TOP1: variants seen among roughly 807,000 people sequenced by gnomAD.
The protein encoded by TOP1 is DNA topoisomerase 1.
In TOP1, 10 loss-of-function variants were observed where a neutral mutation model predicts 111.1. The ratio of observed to expected loss-of-function variants is 0.09; its 90% CI spans 0.06 to 0.15. TOP1 has a LOEUF of 0.15. Ranked by LOEUF, TOP1 falls within the 10% of genes least tolerant of loss-of-function variation. The pLI is 1.00. For synonymous variants in TOP1, 271 were observed against 302.9 expected (o/e 0.89, Z 1.10); for missense variants, 474 against 926.7 (o/e 0.51, Z 6.34).
At chr20:41,076,412 C>T (rs2033728077) in intron 4 of TOP1, 118 bp downstream of exon 4, 3 of 1,399,428 alleles carry the variant, frequency 2.1e-6, no homozygotes, top group Non-Finnish European at 2.9e-6. Context: ...GGTTTCTTGT[C>T]AGGAGAATTT....
At chr20:41,048,130 G>T (rs2033356857) in intron 2 of TOP1, among the ~76,000 whole-genome samples, 1 of 150,996 alleles carries the variant, frequency 6.6e-6, no homozygotes, top group South Asian at 2.1e-4. Flanking sequence ...GGCTGACTCA[G>T]CACATGCCTG....
In TOP1 at chr20:41,080,237, T is replaced by G; in HGVS notation, c.431+57T>G. On this transcript the variant is annotated intron_variant, in intron 6 of 20. Transcript: ENST00000361337. This position sits in a 1 kb window ranked among gnomAD's most constrained non-coding sequence, Gnocchi z 5.0. ...AAACAAAAAGGAGGAGTTTAAAGAATAAATGTGATGTGTTTCTTTATAATA... is the reference window on the plus strand; with the variant it reads ...AAACAAAAAGGAGGAGTTTAAAGAAGAAATGTGATGTGTTTCTTTATAATA... The G allele has an allele frequency of 9.6e-7, 1 of 1,038,104 alleles. No homozygotes were observed. Among genetic ancestry groups the G allele is most frequent in the South Asian group, 1.4e-5 (1 of 69,880 alleles). The allele number at this position is 1,038,104 out of a possible 1,614,324, so 64.3% of individuals were successfully genotyped here.
chr20:41,077,527 G>A lies in TOP1; in HGVS notation c.280-55G>A, dbSNP rs1345662890. ...TGATGCTACATATTCTCAAAAAGAG[G>A]TTTCTTCAAATTTAGTCCTTTCAAG... On this transcript the variant is annotated intron_variant, in intron 4 of 20. Coordinates refer to ENST00000361337, the MANE Select transcript of TOP1 (RefSeq NM_003286.4). The A allele has an allele frequency of 2.8e-6, 4 of 1,419,378 alleles. No individual in the cohort carries two copies. In the South Asian group the frequency reaches 4.6e-5, roughly 16 times the overall value. The allele number at this position is 1,419,378 out of a possible 1,614,324, so 87.9% of individuals were successfully genotyped here. A position where few individuals can be genotyped will look rare whatever the true frequency, so the allele number is the denominator to read the frequency against.
At position 41,115,248 on chromosome 20, in the gene TOP1, C is replaced by T. The variant is rs572159522; in HGVS notation, c.1639-123C>T. ...GGGGTAAAATGTTAACAGTGAATCT[C>T]GGTGACGGATGTATGCGTGTTCCTT... On this transcript the variant is annotated intron_variant, in intron 15 of 20. Transcript: ENST00000361337. This position sits in a 1 kb window ranked among gnomAD's most constrained non-coding sequence, Gnocchi z 6.3. 12 of 630,790 alleles carry T rather than the reference C, an allele frequency of 1.9e-5. No individual in the cohort carries two copies. The highest frequency in any genetic ancestry group is 3.7e-5 in the African/African-American group (2 of 54,512). 39.1% of individuals were successfully genotyped at this position (630,790 alleles called of 1,614,324 possible). A position where few individuals can be genotyped will look rare whatever the true frequency, so the allele number is the denominator to read the frequency against.
Position 41,081,204 on chromosome 20 carries a change from C to A in TOP1, c.471C>A (p.Thr157=). Residue 157 remains threonine, a synonymous_variant, in exon 7 of 21, where the codon ACC becomes ACA. Coordinates refer to ENST00000361337, the MANE Select transcript of TOP1 (RefSeq NM_003286.4). ...CTAAGAAAATTAAAACAGAAGATAC[C>A]AAGAAGGAGAAGAAAAGAAAACTAG... ...YKPKKIKTED[T]KKEKKRKLEE... 6.3e-7 allele frequency: 1 copy of A among 1,599,508 alleles called. No individual in the cohort carries two copies. The highest frequency in any genetic ancestry group is 8.6e-7 in the Non-Finnish European group (1 of 1,169,422).
At chr20:41,108,411 G>A (rs1466373552) in intron 13 of TOP1, among the ~76,000 whole-genome samples, 3 of 152,178 alleles carry the variant, frequency 2.0e-5, no homozygotes, top group Non-Finnish European at 4.4e-5. Context: ...CAGCTGAAGT[G>A]TGTTCTTTTT....
intron 17 of TOP1, among the ~76,000 whole-genome samples, 192 bp from the exon 18 acceptor site, chr20:41,117,977 T>A (rs1189289413): frequency 6.6e-6 from 1 of 152,182 alleles, no homozygotes; most frequent in East Asian, 1.9e-4. Context: ...ACATATAAAC[T>A]TCCTACTATC....
Position 41,114,378 on chromosome 20 carries a change from A to T in TOP1, c.1638+223A>T, listed in dbSNP as rs1456091105. On this transcript the variant is annotated intron_variant, in intron 15 of 20. Coordinates refer to ENST00000361337, the MANE Select transcript of TOP1 (RefSeq NM_003286.4). This position sits in a 1 kb window ranked among gnomAD's most constrained non-coding sequence, Gnocchi z 4.5. ...GTAGTGTGCTGTGATCACACCTGTG[A>T]ATAGCCACTGTACTCCAGCCTGGGC... Among the ~76,000 whole-genome samples the T allele has an allele frequency of 1.3e-5, 2 of 152,246 alleles. No individual in the cohort carries two copies. The highest frequency in any genetic ancestry group is 2.9e-5 in the Non-Finnish European group (2 of 68,032).
intron 2 of TOP1, among the ~76,000 whole-genome samples, chr20:41,045,476 T>A (rs2033322627): frequency 6.6e-6 from 1 of 152,198 alleles, no homozygotes; most frequent in African/African-American, 2.4e-5. Flanking sequence ...ATTTGACCCC[T>A]TAGAGCTAAA....
rs73909132 is a variant in TOP1 at position 41,053,231 on chromosome 20, C to T, written c.59-8163C>T. Among the ~76,000 whole-genome samples the T allele has an allele frequency of 1.1e-3, 165 of 152,162 alleles. 1 individual carries two copies. The highest frequency in any genetic ancestry group is 3.9e-3 in the African/African-American group (163 of 41,506). On this transcript the variant is annotated intron_variant, in intron 2 of 20. Coordinates refer to ENST00000361337, the MANE Select transcript of TOP1 (RefSeq NM_003286.4). ...AGCGTAGCACATCCACCAAGAATGC[C>T]CTTTCACCTTCCTTTGTCTTGCCAA...
In TOP1 at chr20:41,032,970, C is replaced by T. The variant is rs755133268; in HGVS notation, c.58+3515C>T. Among the ~76,000 whole-genome samples the T allele has an allele frequency of 1.8e-4, 27 of 152,152 alleles. No homozygotes were observed. Among genetic ancestry groups the T allele is most frequent in the Non-Finnish European group, 3.4e-4 (23 of 68,028 alleles). On this transcript the variant is annotated intron_variant, in intron 2 of 20. Transcript: ENST00000361337. The surrounding 1 kb of genome is among the most constrained non-coding windows in gnomAD (Gnocchi z 4.3). ...TCAGGAAATACTTAAGCATTATGCT[C>T]CAGGGTGGTTTTCTTCCCTTACATT...
At chr20:41,059,995 C>T (rs754995672) in intron 2 of TOP1, among the ~76,000 whole-genome samples, 23 of 152,110 alleles carry the variant, frequency 1.5e-4, no homozygotes, top group Non-Finnish European at 3.1e-4. Flanking sequence ...CCACTCCACA[C>T]GTGCTAGAAT....
At position 41,082,321 on chromosome 20, in the gene TOP1, C is replaced by A. The variant is rs569063031; in HGVS notation, c.507+1081C>A. ...TGCTTACCATGTGCCAGGCACTCTT[C>A]TATATATGTATCATTTCATTTAATC... On this transcript the variant is annotated intron_variant, in intron 7 of 20. Coordinates refer to ENST00000361337, the MANE Select transcript of TOP1 (RefSeq NM_003286.4). The surrounding 1 kb of genome is among the most constrained non-coding windows in gnomAD (Gnocchi z 4.1). Among the ~76,000 whole-genome samples the A allele has an allele frequency of 2.0e-5, 3 of 152,304 alleles. No homozygotes were observed. The highest frequency in any genetic ancestry group is 2.0e-4 in the Admixed American group (3 of 15,300).
chr20:41,086,577 C>T (rs6124314), intron 8 of TOP1, among the ~76,000 whole-genome samples: 25,034 of 152,120 alleles, frequency 0.16, 3,174 homozygotes, highest in East Asian at 0.7. Flanking sequence ...CAGGCAAGTG[C>T]GCTGGGTCCA....
intron 3 of TOP1, among the ~76,000 whole-genome samples, chr20:41,068,189 T>C (rs1245131428): frequency 1.3e-5 from 2 of 152,222 alleles, no homozygotes; most frequent in Non-Finnish European, 2.9e-5. Flanking sequence ...GGCACTGCCT[T>C]TATCTCTCTT....
At position 41,102,989 on chromosome 20, in the gene TOP1, G is replaced by C. The variant is rs2034088393; in HGVS notation, c.1308+1636G>C. On this transcript the variant is annotated intron_variant, in intron 13 of 20. Transcript: ENST00000361337. The surrounding 1 kb of genome is among the most constrained non-coding windows in gnomAD (Gnocchi z 4.0). ...TTCAAACAAGAGAGAACTGTGTCGT[G>C]GACAAAGGGGAGGGTGGTAAGCAGA... Among the ~76,000 whole-genome samples the C allele has an allele frequency of 1.3e-5, 2 of 152,136 alleles. No homozygotes were observed. The highest frequency in any genetic ancestry group is 6.5e-5 in the Admixed American group (1 of 15,276).
intron 7 of TOP1, 119 bp from the exon 8 acceptor site, chr20:41,084,343 A>T: frequency 1.9e-6 from 1 of 521,696 alleles, no homozygotes; most frequent in Non-Finnish European, 3.5e-6. Flanking sequence ...GAGTACTAAG[A>T]TCTTCTTTAG....
At position 41,112,998 on chromosome 20, in the gene TOP1, C is replaced by G; in HGVS notation, c.1452+73C>G. 1 of 1,494,446 alleles carries G rather than the reference C, an allele frequency of 6.7e-7. No individual in the cohort carries two copies. Among genetic ancestry groups the G allele is most frequent in the East Asian group, 2.3e-5 (1 of 43,964 alleles). 92.6% of individuals were successfully genotyped at this position (1,494,446 alleles called of 1,614,324 possible). A position where few individuals can be genotyped will look rare whatever the true frequency, so the allele number is the denominator to read the frequency against. On this transcript the variant is annotated intron_variant, in intron 14 of 20. Transcript: ENST00000361337. The surrounding 1 kb of genome is among the most constrained non-coding windows in gnomAD (Gnocchi z 5.8). ...GGGAGTTTCTGCTCTGCCCCAGGCC[C>G]TGTGCCACATACTGTATATCACAAC... is the stretch of plus-strand genomic sequence containing the variant.
In TOP1 at chr20:41,114,207, A is replaced by C. The variant is rs1230057118; in HGVS notation, c.1638+52A>C. On this transcript the variant is annotated intron_variant, in intron 15 of 20. Transcript: ENST00000361337. The surrounding 1 kb of genome is among the most constrained non-coding windows in gnomAD (Gnocchi z 4.5). Reference sequence around the variant, plus strand: ...ACTTGTTTTCCATTATTCAACAAGCATGGGTTGACTGCTTTTTTGTGTGCT... The same window carrying C: ...ACTTGTTTTCCATTATTCAACAAGCCTGGGTTGACTGCTTTTTTGTGTGCT... 2.0e-6 allele frequency: 3 copies of C among 1,493,740 alleles called. No individual in the cohort carries two copies. Among genetic ancestry groups the C allele is most frequent in the Non-Finnish European group, 2.8e-6 (3 of 1,089,262 alleles). 92.5% of individuals were successfully genotyped at this position (1,493,740 alleles called of 1,614,324 possible).
Sources: gnomAD v4.1 joint callset for allele counts (sites outside exome capture counted in the v4.1 genomes callset) on GRCh38, gnomAD v4.1.1 for gene constraint, Gnocchi (gnomAD v3.1) non-coding constraint, MANE v1.5 for transcripts, NCBI Gene and HGNC (gene_info 2026-07-23, HGNC 2026-07-21) for gene names.